The following EFCAB5 variants were observed in gnomAD, a reference collection of about 807,000 sequenced individuals.
EFCAB5 encodes EF-hand calcium-binding domain-containing protein 5.
Under a neutral mutation model 167.9 loss-of-function variants are expected in EFCAB5, and 131 were observed. The ratio of observed to expected loss-of-function variants is 0.78; its 90% CI spans 0.68 to 0.90. EFCAB5 has a LOEUF of 0.90. EFCAB5 is among the 40% of genes least tolerant of loss of function. The probability of loss-of-function intolerance (pLI) is 0.00; values close to 1 mark genes in which losing one functional copy is unlikely to be tolerated. For synonymous variants in EFCAB5, 574 were observed against 602.8 expected, an observed-to-expected ratio of 0.95 and a Z score of 0.70; for missense variants, 1,663 against 1,745.2, an observed-to-expected ratio of 0.95 and a Z score of 0.84.
intron 4 of EFCAB5, among the ~76,000 whole-genome samples, chr17:29,986,636 C>CTTTTTTTTTTTTTTTT (rs1196821046): frequency 1.1e-5 from 1 of 87,946 alleles, no homozygotes; most frequent in African/African-American, 5.5e-5. Flanking sequence ...GGAGTATATT[C>CTTTTTTTTTTTTTTTT]ATTTTTTTTT....
chr17:29,992,812 G>T (rs1045504359), intron 4 of EFCAB5, among the ~76,000 whole-genome samples: 1 of 152,226 alleles, frequency 6.6e-6, no homozygotes, highest in African/African-American at 2.4e-5. Flanking sequence ...ATCCAGAAGT[G>T]AGACTGCTGG....
chr17:30,107,813 T>C (rs200868938), intron 22 of EFCAB5, 21 bp from the exon 23 acceptor site: 2 of 375,120 alleles, frequency 5.3e-6, no homozygotes, highest in African/African-American at 1.3e-4. Flanking sequence ...CTCTTACTTT[T>C]CTTTTTTTTT....
At chr17:29,947,353 G>C (rs1268334743) in intron 3 of EFCAB5, among the ~76,000 whole-genome samples, 1 of 152,050 alleles carries the variant, frequency 6.6e-6, no homozygotes, top group African/African-American at 2.4e-5. Context: ...TTAGAAGTGG[G>C]AGCTAAGCTA....
At chr17:30,010,723 A>G (rs1223323536) in intron 7 of EFCAB5, among the ~76,000 whole-genome samples, 1 of 152,190 alleles carries the variant, frequency 6.6e-6, no homozygotes, top group Non-Finnish European at 1.5e-5. Flanking sequence ...TCAGATGGGT[A>G]GATTGCAAAA....
intron 7 of EFCAB5, among the ~76,000 whole-genome samples, chr17:30,030,370 C>T (rs971441762): frequency 2.6e-5 from 4 of 152,278 alleles, no homozygotes; most frequent in South Asian, 2.1e-4. Context: ...GACGGAGTCT[C>T]GCTCGCTCTG....
chr17:29,930,386 G>C (rs1472195870), intron 1 of EFCAB5: 2 of 222,846 alleles, frequency 9.0e-6, no homozygotes, highest in Non-Finnish European at 1.8e-5. Flanking sequence ...TGCTGGAATC[G>C]CGCGGTTTGC....
At chr17:30,044,056 G>A (rs555414893) in intron 8 of EFCAB5, among the ~76,000 whole-genome samples, 13 of 151,972 alleles carry the variant, frequency 8.6e-5, no homozygotes, top group African/African-American at 3.1e-4. Context: ...ACTTGCATTC[G>A]GACCATATAA....
intron 18 of EFCAB5, among the ~76,000 whole-genome samples, chr17:30,086,287 G>T (rs528984313): frequency 3.9e-5 from 6 of 152,170 alleles, no homozygotes; most frequent in Admixed American, 3.3e-4. Context: ...AAAAAATATT[G>T]ATCAAGACTC....
intron 4 of EFCAB5, among the ~76,000 whole-genome samples, chr17:29,972,204 A>ATT (rs11409322): frequency 0.14 from 17,441 of 127,292 alleles, 1,489 homozygotes; most frequent in Non-Finnish European, 0.18. Context: ...CGCCCGGCTA[A>ATT]TTTTTTTTTT....
chr17:30,048,582 C>T (rs964121631), intron 8 of EFCAB5, among the ~76,000 whole-genome samples: 2 of 151,786 alleles, frequency 1.3e-5, no homozygotes, highest in African/African-American at 4.8e-5. Context: ...GCAACATCCA[C>T]CTCCTGGGTT....
chr17:30,060,658 T>C (rs577729119), intron 14 of EFCAB5, among the ~76,000 whole-genome samples: 1 of 152,240 alleles, frequency 6.6e-6, no homozygotes, highest in Admixed American at 6.5e-5. Context: ...GTTTATTGAT[T>C]GTCATGTTCT....
intron 8 of EFCAB5, among the ~76,000 whole-genome samples, chr17:30,049,340 C>T (rs2070019050): frequency 6.6e-6 from 1 of 151,946 alleles, no homozygotes; most frequent in South Asian, 2.1e-4. Context: ...ATTAGCCAGG[C>T]GTGGTGGCAT....
intron 4 of EFCAB5, among the ~76,000 whole-genome samples, chr17:29,984,831 A>G (rs111994105): frequency 4.6e-5 from 7 of 152,302 alleles, no homozygotes; most frequent in South Asian, 2.1e-4. Context: ...CAAACTTCAA[A>G]GTTCATTTTT....
intron 7 of EFCAB5, among the ~76,000 whole-genome samples, chr17:30,023,853 T>C (rs2069245803): frequency 6.6e-6 from 1 of 152,104 alleles, no homozygotes; most frequent in African/African-American, 2.4e-5. Flanking sequence ...GAGCTTTATC[T>C]CTGGGATGCA....
At chr17:30,038,334 G>T (rs1033821918) in intron 8 of EFCAB5, among the ~76,000 whole-genome samples, 1 of 152,246 alleles carries the variant, frequency 6.6e-6, no homozygotes, top group African/African-American at 2.4e-5. Context: ...GCTCTATAAA[G>T]GAAACAGCAA....
rs186378724 is a variant in EFCAB5, at chr17:30,091,318, C to T, written c.3938-553C>T. Among the ~76,000 whole-genome samples the T allele has an allele frequency of 9.3e-4, 142 of 152,242 alleles. 1 individual carries two copies. The Middle Eastern group carries it at 0.017, about 18-fold the overall frequency. ...TGGAGAGAGGGAGGGAGGAAGAAGG[C>T]CTGGAAACCTTTGGCTTCCTAGAAT... On this transcript the variant is annotated intron_variant, in intron 20 of 22. Coordinates refer to ENST00000394835, the MANE Select transcript of EFCAB5 (RefSeq NM_198529.4).
At chr17:29,952,030 G>A (rs76559100) in intron 3 of EFCAB5, among the ~76,000 whole-genome samples, 3,693 of 152,226 alleles carry the variant, frequency 0.024, 148 homozygotes, top group African/African-American at 0.083. Context: ...TGTAAATTTA[G>A]TGCTCACAGT....
intron 8 of EFCAB5, among the ~76,000 whole-genome samples, chr17:30,043,704 T>C (rs566073283): frequency 6.6e-6 from 1 of 152,256 alleles, no homozygotes; most frequent in East Asian, 1.9e-4. Flanking sequence ...ACTATGAAAT[T>C]TGCTAAGAAA....
chr17:29,949,228 G>C (rs2067461395), intron 3 of EFCAB5, among the ~76,000 whole-genome samples: 1 of 152,212 alleles, frequency 6.6e-6, no homozygotes, highest in Non-Finnish European at 1.5e-5. Flanking sequence ...TACACTGAGA[G>C]CTGAAAATGA....
Sources: allele counts gnomAD v4.1 joint callset (sites outside exome capture counted in the v4.1 genomes callset), GRCh38; gene constraint gnomAD v4.1.1; transcripts MANE v1.5; gene names NCBI Gene and HGNC (gene_info 2026-07-23, HGNC 2026-07-21).